The following GOLGA4 variants were observed in gnomAD, a reference collection of about 807,000 sequenced individuals.
The protein encoded by GOLGA4 is golgin subfamily A member 4.
GOLGA4 carries 169 observed loss-of-function variants against 265.9 expected under a neutral mutation model. The observed-to-expected ratio is 0.64, with a 90% CI of 0.56 to 0.72. The LOEUF (loss-of-function observed/expected upper bound fraction) is 0.72. GOLGA4 is among the 30% of genes least tolerant of loss of function. The probability of loss-of-function intolerance (pLI) is 0.00; values close to 1 mark genes in which losing one functional copy is unlikely to be tolerated. For synonymous variants in GOLGA4, 923 were observed against 855.8 expected (o/e 1.08, Z -1.37); for missense variants, 2,482 against 2,483.4 (o/e 1.00, Z 0.01).
intron 19 of GOLGA4, among the ~76,000 whole-genome samples, chr3:37,339,717 A>G (rs1201196866): frequency 6.6e-6 from 1 of 152,064 alleles, no homozygotes; most frequent in African/African-American, 2.4e-5. Context: ...TCCTTTGTCC[A>G]TTTTTTAGTT....
intron 2 of GOLGA4, among the ~76,000 whole-genome samples, chr3:37,253,235 A>G (rs149256646): frequency 0.038 from 5,780 of 151,652 alleles, 143 homozygotes; most frequent in African/African-American, 0.055. Context: ...TGACACAGTA[A>G]GACCCTGTCT....
In GOLGA4 at chr3:37,366,251, A is replaced by T. The variant is rs1696738112; in HGVS notation, c.*205A>T. On this transcript the variant is annotated 3_prime_UTR_variant, in exon 24 of 24. Coordinates refer to ENST00000361924, the MANE Select transcript of GOLGA4 (RefSeq NM_002078.5). ...ATAAGTTGCAGACTGCCTTTAAAAT[A>T]GATTTTATCAGTGGAGAAATGGTGA... The T allele has an allele frequency of 2.0e-6, 1 of 498,338 alleles. No homozygotes were observed. Among genetic ancestry groups the T allele is most frequent in the South Asian group, 4.6e-5 (1 of 21,826 alleles). The allele number at this position is 498,338 out of a possible 1,614,324, so 30.9% of individuals were successfully genotyped here.
At position 37,319,203 on chromosome 3, in the gene GOLGA4, CTATT is replaced by C. The variant is rs755907285; in HGVS notation, c.1545+11_1545+14del. The C allele has an allele frequency of 1.3e-6, 2 of 1,586,446 alleles. No individual in the cohort carries two copies. Among genetic ancestry groups the C allele is most frequent in the East Asian group, 2.3e-5 (1 of 44,438 alleles). On this transcript the variant is annotated intron_variant, in intron 12 of 23. Transcript: ENST00000361924. ...AAATGAAAGTAGCTCTTGTAAGTGACTATTTTTTTTTTTCTGCTATAGGTATACT... is the reference window on the plus strand; with the variant it reads ...AAATGAAAGTAGCTCTTGTAAGTGACTTTTTTTTTCTGCTATAGGTATACT...
At chr3:37,352,449 T>A (rs192576643) in intron 21 of GOLGA4, among the ~76,000 whole-genome samples, 3 of 151,970 alleles carry the variant, frequency 2.0e-5, no homozygotes, top group Non-Finnish European at 4.4e-5. Context: ...TTACCTCCCA[T>A]TGGGTCCTTC....
At chr3:37,257,162 A>G (rs1159877004) in intron 2 of GOLGA4, among the ~76,000 whole-genome samples, 2 of 152,176 alleles carry the variant, frequency 1.3e-5, no homozygotes, top group African/African-American at 4.8e-5. Context: ...ATATAAATGG[A>G]ATCATTCGAT....
Position 37,315,600 on chromosome 3 carries a change from T to A in GOLGA4, c.1413+2T>A, listed in dbSNP as rs372952773. 30 of 1,609,322 alleles carry A rather than the reference T, an allele frequency of 1.9e-5. No homozygotes were observed. Among genetic ancestry groups the A allele is most frequent in the Non-Finnish European group, 2.3e-5 (27 of 1,175,978 alleles). On this transcript the variant is annotated splice_donor_variant, in intron 11 of 23. Transcript: ENST00000361924. LOFTEE classifies it high-confidence loss of function. ...CAGGAGGTTGTTGATGTAATGAAAG[T>A]AAGAATAATTCTGTAATGAAATGGG...
rs1390692225 is a variant in GOLGA4, at chr3:37,337,153, T to C, written c.6317T>C (p.Met2106Thr). Reference sequence around the variant, plus strand: ...TTTCCATTTTTTCAGGTAACAATTATGGAGCTACAGGTAAGGCTAGTTCTT... The same window carrying C: ...TTTCCATTTTTTCAGGTAACAATTACGGAGCTACAGGTAAGGCTAGTTCTT... ...ENPGNDNVTI[M>T]ELQTQLAQKT... The change falls in exon 18 of 24, where the codon ATG becomes ACG. Residue 2106 changes from methionine to threonine, a missense_variant. Around this residue, in one of 3 missense-constraint regions of GOLGA4, gnomAD observed 942 missense variants for 983.1 expected, o/e 0.96. Transcript: ENST00000361924. 2.1e-6 allele frequency: 3 copies of C among 1,453,994 alleles called. No homozygotes were observed. The highest frequency in any genetic ancestry group is 2.9e-6 in the Non-Finnish European group (3 of 1,047,776). The allele number at this position is 1,453,994 out of a possible 1,614,324, so 90.1% of individuals were successfully genotyped here.
chr3:37,315,581 G>T lies in GOLGA4; in HGVS notation c.1396G>T (p.Val466Phe). The change falls in exon 11 of 24, where the codon GTT becomes TTT. Residue 466 changes from valine to phenylalanine, a missense_variant. By Grantham distance (50) the Val-to-Phe change is conservative. Around this residue, in one of 3 missense-constraint regions of GOLGA4, gnomAD observed 1,536 missense variants for 1,483.7 expected, o/e 1.04. Coordinates refer to ENST00000361924, the MANE Select transcript of GOLGA4 (RefSeq NM_002078.5). The stretch of plus-strand genomic sequence containing the variant: ...GGAATTAAGTCGGGTGAAACAGGAG[G>T]TTGTTGATGTAATGAAAGTAAGAAT... ...QQELSRVKQE[V>F]VDVMKKSSEE... The T allele has an allele frequency of 6.2e-7, 1 of 1,612,906 alleles. No homozygotes were observed. Among genetic ancestry groups the T allele is most frequent in the Non-Finnish European group, 8.5e-7 (1 of 1,179,098 alleles).
In GOLGA4 at chr3:37,282,041, A is replaced by T; in HGVS notation, c.246A>T (p.Glu82Asp). The T allele has an allele frequency of 6.2e-7, 1 of 1,614,080 alleles. No individual in the cohort carries two copies. The highest frequency in any genetic ancestry group is 1.1e-5 in the South Asian group (1 of 91,082). Residue 82 changes from glutamate (E) to aspartate (D), a missense_variant, in exon 3 of 24, where the codon GAA (glutamate) becomes GAT (aspartate). Transcript: ENST00000361924. The part of the protein sequence containing the change: ...VESLFRSPIK[E>D]SLFRSSSKES... ...CTTTGTTTCGAAGTCCGATAAAGGA[A>T]TCTCTATTCCGGTCTTCTTCTAAAG...
intron 7 of GOLGA4, 37 bp from the exon 8 acceptor site, chr3:37,298,789 ATATTCCT>A (rs2096885109): frequency 7.2e-7 from 1 of 1,379,502 alleles, no homozygotes. Flanking sequence ...AGGCAGTTTC[ATATTCCT>A]TACTGATGGG....
intron 2 of GOLGA4, among the ~76,000 whole-genome samples, chr3:37,268,450 TA>T (rs542814052): frequency 4.2e-4 from 62 of 148,666 alleles, no homozygotes; most frequent in South Asian, 8.6e-4. Flanking sequence ...TAGAAGCTAT[TA>T]AAAAAAAAAC....
At chr3:37,280,693 T>G (rs1188700093) in intron 2 of GOLGA4, among the ~76,000 whole-genome samples, 1 of 152,226 alleles carries the variant, frequency 6.6e-6, no homozygotes, top group African/African-American at 2.4e-5. Flanking sequence ...AAATTTTTTT[T>G]GAAAATACTT....
intron 11 of GOLGA4, among the ~76,000 whole-genome samples, chr3:37,316,492 A>C (rs191129340): frequency 2.0e-5 from 3 of 152,104 alleles, no homozygotes; most frequent in Admixed American, 6.5e-5. Flanking sequence ...CTGCTGAACT[A>C]TAGGTAATTT....
At chr3:37,285,873 C>T (rs1211367805) in intron 3 of GOLGA4, 141 bp from the exon 4 acceptor site, 2 of 483,982 alleles carry the variant, frequency 4.1e-6, no homozygotes, top group African/African-American at 4.0e-5. Flanking sequence ...TTAGTTTTGA[C>T]CGTCATGCAT....
At chr3:37,287,092 G>T (rs896998658) in intron 4 of GOLGA4, among the ~76,000 whole-genome samples, 24 of 152,240 alleles carry the variant, frequency 1.6e-4, no homozygotes, top group Non-Finnish European at 2.8e-4. Flanking sequence ...TGTAATCCCA[G>T]CACTTTGGGA....
intron 2 of GOLGA4, 120 bp from the exon 3 acceptor site, chr3:37,281,838 A>G (rs150709808): frequency 1.3e-6 from 1 of 755,842 alleles, no homozygotes; most frequent in East Asian, 2.5e-5. Context: ...TATTATGTAA[A>G]ATGTCAGGAA....
chr3:37,327,973 G>A, intron 14 of GOLGA4, 148 bp downstream of exon 14: 1 of 658,276 alleles, frequency 1.5e-6, no homozygotes, highest in Non-Finnish European at 2.5e-6. Context: ...TTAAATATGA[G>A]GAGAAATAAA....
chr3:37,271,529 C>T (rs2096798647), intron 2 of GOLGA4, among the ~76,000 whole-genome samples: 1 of 152,108 alleles, frequency 6.6e-6, no homozygotes, highest in African/African-American at 2.4e-5. Context: ...AACCCCTCCC[C>T]ATATCTATTA....
chr3:37,286,105 T>TC (rs2096847846), intron 4 of GOLGA4, 44 bp downstream of exon 4: 1 of 734,694 alleles, frequency 1.4e-6, no homozygotes. Context: ...AATTTTTAAA[T>TC]CAGAAAGATC....
Sources: allele counts gnomAD v4.1 joint callset (sites outside exome capture counted in the v4.1 genomes callset), GRCh38; gene constraint gnomAD v4.1.1; regional missense constraint gnomAD v4.1.1; transcripts MANE v1.5; gene names NCBI Gene and HGNC (gene_info 2026-07-23, HGNC 2026-07-21).